Variants in PTPRT observed in about 807,000 individuals in gnomAD.
PTPRT encodes receptor-type tyrosine-protein phosphatase T.
Under a neutral mutation model 176.8 loss-of-function variants are expected in PTPRT, and 56 were observed. The ratio of observed to expected loss-of-function variants is 0.32; its 90% confidence interval spans 0.26 to 0.40. The LOEUF is 0.40. Ranked by LOEUF, PTPRT falls within the 10% of genes least tolerant of loss-of-function variation. PTPRT has a pLI of 1.00. For synonymous variants in PTPRT, 783 were observed against 739.0 expected (o/e 1.06, Z -0.96); for missense variants, 1,540 against 1,908.2 (o/e 0.81, Z 3.60).
chr20:42,461,857 G>C (rs1162533885), intron 8 of PTPRT, among the ~76,000 whole-genome samples: 1 of 151,902 alleles, frequency 6.6e-6, no homozygotes, highest in Admixed American at 6.6e-5. Flanking sequence ...AGAAGATAGA[G>C]CTGGGTGTTT....
chr20:42,393,547 G>C (rs1057042442), intron 9 of PTPRT, among the ~76,000 whole-genome samples: 1 of 152,132 alleles, frequency 6.6e-6, no homozygotes, highest in Admixed American at 6.5e-5. Context: ...TCCCATTTCA[G>C]ACGATCTTCC....
chr20:42,125,160 C>T (rs1362176883), intron 19 of PTPRT, among the ~76,000 whole-genome samples: 2 of 152,164 alleles, frequency 1.3e-5, no homozygotes, highest in African/African-American at 4.8e-5. Context: ...TGATACTGCA[C>T]CCTACCCTAC....
intron 7 of PTPRT, among the ~76,000 whole-genome samples, chr20:42,508,940 A>G (rs1056500185): frequency 2.1e-5 from 3 of 142,566 alleles, no homozygotes; most frequent in Non-Finnish European, 4.6e-5. Flanking sequence ...ATAATTTATA[A>G]ATATAATTTA....
intron 9 of PTPRT, among the ~76,000 whole-genome samples, chr20:42,437,558 T>A (rs549138720): frequency 5.3e-5 from 8 of 152,222 alleles, no homozygotes; most frequent in Non-Finnish European, 1.2e-4. Context: ...ATGGTATGTA[T>A]GTATGTATGT....
At chr20:42,638,580 C>T (rs913814705) in intron 7 of PTPRT, among the ~76,000 whole-genome samples, 1 of 152,122 alleles carries the variant, frequency 6.6e-6, no homozygotes, top group East Asian at 1.9e-4. Context: ...TGAATCCTGA[C>T]TATGCTGTGC....
chr20:42,609,853 G>A (rs780778560), intron 7 of PTPRT, among the ~76,000 whole-genome samples: 14 of 152,228 alleles, frequency 9.2e-5, no homozygotes, highest in Non-Finnish European at 1.8e-4. Flanking sequence ...CAGGATGAAT[G>A]TGCAGCCGAG....
intron 1 of PTPRT, among the ~76,000 whole-genome samples, chr20:43,038,753 C>T (rs956646814): frequency 6.6e-6 from 1 of 151,888 alleles, no homozygotes; most frequent in Non-Finnish European, 1.5e-5. Flanking sequence ...AGTATAGGAG[C>T]CAGATATAAA....
At chr20:43,139,255 T>C (rs2013928369) in intron 1 of PTPRT, among the ~76,000 whole-genome samples, 1 of 152,204 alleles carries the variant, frequency 6.6e-6, no homozygotes, top group Non-Finnish European at 1.5e-5. Flanking sequence ...TTCTCCCCAC[T>C]CGATTGTTGT....
chr20:42,877,826 G>A (rs545637546), intron 2 of PTPRT, among the ~76,000 whole-genome samples: 42 of 152,002 alleles, frequency 2.8e-4, no homozygotes, highest in Non-Finnish European at 4.3e-4. Flanking sequence ...CATTCTATTC[G>A]ACAATATTTC....
chr20:42,828,025 C>T (rs1464362054), intron 2 of PTPRT, among the ~76,000 whole-genome samples: 4 of 152,152 alleles, frequency 2.6e-5, no homozygotes, highest in African/African-American at 4.8e-5. Context: ...AATGTGGAAG[C>T]TACTTTGGAA....
chr20:42,953,688 G>A (rs931800470), intron 1 of PTPRT, among the ~76,000 whole-genome samples: 4 of 152,126 alleles, frequency 2.6e-5, no homozygotes, highest in Admixed American at 6.5e-5. Context: ...GAGCCCTCCC[G>A]TTTATGTAAA....
At chr20:42,529,641 C>T (rs1462624082) in intron 7 of PTPRT, among the ~76,000 whole-genome samples, 2 of 151,964 alleles carry the variant, frequency 1.3e-5, no homozygotes, top group Non-Finnish European at 2.9e-5. Flanking sequence ...CATGTGCCAC[C>T]ATGCCCGGCT....
chr20:42,620,315 C>T (rs1331036456), intron 7 of PTPRT, among the ~76,000 whole-genome samples: 3 of 149,072 alleles, frequency 2.0e-5, no homozygotes, highest in African/African-American at 5.1e-5. Context: ...TCTCCAGCTG[C>T]GTGCTGGGAG....
chr20:42,267,975 C>A (rs1042247965), intron 13 of PTPRT, among the ~76,000 whole-genome samples: 3 of 152,094 alleles, frequency 2.0e-5, no homozygotes, highest in Admixed American at 2.0e-4. Context: ...ATCACCAGCC[C>A]AGAAGGTGGC....
chr20:42,570,750 T>C (rs1412425773), intron 7 of PTPRT, among the ~76,000 whole-genome samples: 1 of 152,192 alleles, frequency 6.6e-6, no homozygotes, highest in African/African-American at 2.4e-5. Context: ...CTCTTCCTCC[T>C]GACTCTATTT....
chr20:43,057,064 C>A (rs1261367934), intron 1 of PTPRT, among the ~76,000 whole-genome samples: 1 of 151,774 alleles, frequency 6.6e-6, no homozygotes, highest in South Asian at 2.1e-4. Flanking sequence ...ATATAACATT[C>A]TTGACATGAC....
At chr20:42,094,125 G>A (rs779635591) in intron 27 of PTPRT, among the ~76,000 whole-genome samples, 4 of 152,180 alleles carry the variant, frequency 2.6e-5, no homozygotes, top group South Asian at 2.1e-4. Flanking sequence ...TATATGTCCC[G>A]AAGTGAAGTT....
intron 2 of PTPRT, among the ~76,000 whole-genome samples, chr20:42,838,975 G>GGTTGGTCCAGGAA (rs2078229747): frequency 6.6e-6 from 1 of 152,046 alleles, no homozygotes; most frequent in Non-Finnish European, 1.5e-5. Context: ...CAGGAAACAG[G>GGTTGGTCCAGGAA]ACTCATGTAT....
At chr20:42,481,810 G>A (rs1367330148) in intron 7 of PTPRT, among the ~76,000 whole-genome samples, 7 of 147,418 alleles carry the variant, frequency 4.7e-5, no homozygotes, top group East Asian at 2.0e-4. Context: ...ACACACGCGC[G>A]CATGTATATA....
Sources: allele counts gnomAD v4.1 joint callset (sites outside exome capture counted in the v4.1 genomes callset), GRCh38; gene constraint gnomAD v4.1.1; transcripts MANE v1.5; gene names NCBI Gene and HGNC (gene_info 2026-07-23, HGNC 2026-07-21).